The following DLC1 variants were observed in gnomAD, a reference collection of about 807,000 sequenced individuals.
DLC1 encodes the protein DLC1 Rho GTPase activating protein.
A neutral mutation model predicts 140.3 loss-of-function variants in DLC1; 54 were observed. The ratio of observed to expected loss-of-function variants is 0.38; its 90% CI spans 0.31 to 0.48. DLC1 has a LOEUF of 0.48. Ranked by LOEUF, DLC1 falls within the 20% of genes least tolerant of loss-of-function variation. The pLI, the probability that DLC1 is intolerant of heterozygous loss-of-function variation, is 0.96. For missense variants in DLC1, 2,536 were observed against 1,907.0 expected (o/e 1.33, Z -6.14); for synonymous variants, 986 against 728.1 (o/e 1.35, Z -5.70).
intron 1 of DLC1, among the ~76,000 whole-genome samples, chr8:13,523,623 A>G (rs1563419190): frequency 6.6e-6 from 1 of 152,144 alleles, no homozygotes; most frequent in Non-Finnish European, 1.5e-5. Context: ...TAAGAAGACA[A>G]ATACCTAATT....
intron 2 of DLC1, among the ~76,000 whole-genome samples, chr8:13,407,594 T>C (rs1014391538): frequency 6.6e-6 from 1 of 152,190 alleles, no homozygotes; most frequent in African/African-American, 2.4e-5. Flanking sequence ...TGCTTCCAAA[T>C]AGTGGACGAT....
chr8:13,505,333 G>C (rs1442833034), intron 1 of DLC1, among the ~76,000 whole-genome samples: 1 of 151,522 alleles, frequency 6.6e-6, no homozygotes, highest in Non-Finnish European at 1.5e-5. Flanking sequence ...GAAGTTAACA[G>C]ATAATGTTTA....
At chr8:13,444,982 A>G (rs1798709560) in intron 2 of DLC1, among the ~76,000 whole-genome samples, 1 of 152,056 alleles carries the variant, frequency 6.6e-6, no homozygotes, top group Non-Finnish European at 1.5e-5. Context: ...GGAGAGAACG[A>G]AAAAGGCAGG....
At chr8:13,261,355 G>A (rs1003383990) in intron 5 of DLC1, among the ~76,000 whole-genome samples, 2 of 116,196 alleles carry the variant, frequency 1.7e-5, no homozygotes, top group Non-Finnish European at 3.8e-5. Context: ...TGTATAGAAT[G>A]GGAAAGGATA....
At chr8:13,244,857 C>G (rs1829693867) in intron 5 of DLC1, among the ~76,000 whole-genome samples, 1 of 152,206 alleles carries the variant, frequency 6.6e-6, no homozygotes, top group Non-Finnish European at 1.5e-5. Context: ...CATATTCCCT[C>G]TCACACCTCT....
At chr8:13,544,494 G>T (rs1803590946) in intron 1 of DLC1, among the ~76,000 whole-genome samples, 1 of 152,156 alleles carries the variant, frequency 6.6e-6, no homozygotes, top group African/African-American at 2.4e-5. Context: ...GAGAGGTGCA[G>T]AGATGGGAGG....
At chr8:13,258,334 G>A (rs1201498595) in intron 5 of DLC1, among the ~76,000 whole-genome samples, 1 of 152,184 alleles carries the variant, frequency 6.6e-6, no homozygotes, top group Non-Finnish European at 1.5e-5. Context: ...ATACAGAGAA[G>A]TACAGGAAAG....
intron 1 of DLC1, among the ~76,000 whole-genome samples, chr8:13,551,346 G>T (rs1803842939): frequency 6.6e-6 from 1 of 151,674 alleles, no homozygotes. Context: ...GATATATGTG[G>T]GTTCAGACAG....
At chr8:13,539,230 C>T (rs747911855) in intron 1 of DLC1, among the ~76,000 whole-genome samples, 25 of 150,474 alleles carry the variant, frequency 1.7e-4, no homozygotes, top group African/African-American at 4.9e-5. Context: ...CACAGAGTCT[C>T]GCTCTGTTGC....
chr8:13,584,796 C>G (rs1805241693), intron 1 of DLC1, among the ~76,000 whole-genome samples: 1 of 152,186 alleles, frequency 6.6e-6, no homozygotes, highest in Admixed American at 6.5e-5. Flanking sequence ...TTTCTTGGAA[C>G]TGTGCACACA....
chr8:13,598,997 G>A (rs1316449612), intron 1 of DLC1, among the ~76,000 whole-genome samples: 1 of 151,730 alleles, frequency 6.6e-6, no homozygotes, highest in Non-Finnish European at 1.5e-5. Context: ...GGCATTAATT[G>A]TTTCTGTAAC....
At chr8:13,095,335 G>T in intron 10 of DLC1, 90 bp from the exon 11 acceptor site, 1 of 1,520,838 alleles carries the variant, frequency 6.6e-7, no homozygotes, top group Non-Finnish European at 9.0e-7. Context: ...AACCCTGTGG[G>T]CTCCAGATCT....
chr8:13,447,310 A>C (rs1464146634), intron 2 of DLC1, among the ~76,000 whole-genome samples: 1 of 152,222 alleles, frequency 6.6e-6, no homozygotes, highest in East Asian at 1.9e-4. Context: ...TTAATATTAC[A>C]TAATTCTTAT....
At chr8:13,270,387 C>G (rs1423677808) in intron 5 of DLC1, among the ~76,000 whole-genome samples, 1 of 152,148 alleles carries the variant, frequency 6.6e-6, no homozygotes, top group South Asian at 2.1e-4. Context: ...CAAGTGGCAG[C>G]CTTGACATTT....
chr8:13,573,235 A>G, intron 1 of DLC1, among the ~76,000 whole-genome samples: 1 of 152,158 alleles, frequency 6.6e-6, no homozygotes, highest in Admixed American at 6.5e-5. Flanking sequence ...TTGTAAATTA[A>G]ATTTTTTTAA....
intron 1 of DLC1, among the ~76,000 whole-genome samples, chr8:13,593,422 C>T (rs978146167): frequency 6.6e-6 from 1 of 152,062 alleles, no homozygotes; most frequent in Non-Finnish European, 1.5e-5. Context: ...TTGCACTGAT[C>T]GGTGAAATGT....
upstream of DLC1, chr8:13,515,321 T>C (rs112134355): frequency 6.6e-6 from 1 of 152,318 alleles, no homozygotes; most frequent in African/African-American, 2.4e-5. Context: ...CAGCTTTTCA[T>C]TCTGTCCCTG....
chr8:13,237,837 C>T (rs144382296), intron 5 of DLC1, among the ~76,000 whole-genome samples: 79 of 151,832 alleles, frequency 5.2e-4, no homozygotes, highest in African/African-American at 1.8e-3. Context: ...CCTCATATCT[C>T]TTCCTGGGTT....
intron 2 of DLC1, among the ~76,000 whole-genome samples, chr8:13,406,754 C>G (rs1248605864): frequency 1.3e-5 from 2 of 152,178 alleles, no homozygotes; most frequent in Non-Finnish European, 2.9e-5. Flanking sequence ...CTGGGGCAGA[C>G]TAGGCAAGTG....
Sources: allele counts gnomAD v4.1 joint callset (sites outside exome capture counted in the v4.1 genomes callset), GRCh38; gene constraint gnomAD v4.1.1; transcripts MANE v1.5; gene names NCBI Gene and HGNC (gene_info 2026-07-23, HGNC 2026-07-21).